The following COL24A1 variants were observed in gnomAD, a reference collection of about 807,000 sequenced individuals.
COL24A1 encodes the protein collagen type XXIV alpha 1 chain, also known as collagen alpha-1(XXIV) chain.
In COL24A1, 224 loss-of-function variants were observed where a neutral mutation model predicts 253.9. The ratio of observed to expected loss-of-function variants is 0.88; its 90% confidence interval spans 0.79 to 0.99. The LOEUF is 0.99. Among genes scored for constraint, COL24A1 ranks in the 50% least tolerant of loss-of-function variants. The pLI, the probability that COL24A1 is intolerant of heterozygous loss-of-function variation, is 0.00. For synonymous variants in COL24A1, 685 were observed against 673.7 expected, an observed-to-expected ratio of 1.02 and a Z score of -0.26; for missense variants, 2,131 against 2,068.5, an observed-to-expected ratio of 1.03 and a Z score of -0.59.
intron 20 of COL24A1, among the ~76,000 whole-genome samples, chr1:85,986,170 C>T (rs969997207): frequency 6.6e-6 from 1 of 151,618 alleles, no homozygotes; most frequent in Non-Finnish European, 1.5e-5. Flanking sequence ...ATATCTTTCT[C>T]TAGATTTTAA....
At chr1:85,800,007 C>T (rs76408018) in intron 47 of COL24A1, among the ~76,000 whole-genome samples, 2,223 of 152,202 alleles carry the variant, frequency 0.015, 31 homozygotes, top group Non-Finnish European at 0.024. Context: ...CTGTACCAGT[C>T]GTACATAAAG....
intron 53 of COL24A1, among the ~76,000 whole-genome samples, chr1:85,767,782 A>G (rs1667533557): frequency 6.6e-6 from 1 of 152,214 alleles, no homozygotes; most frequent in Admixed American, 6.5e-5. Flanking sequence ...AACTCTAAAA[A>G]GCATGTTAAT....
chr1:85,735,730 T>C (rs1663978104), intron 58 of COL24A1, among the ~76,000 whole-genome samples: 2 of 152,064 alleles, frequency 1.3e-5, no homozygotes, highest in South Asian at 4.1e-4. Flanking sequence ...GGAAGGCAGA[T>C]TTTCCTATAG....
At chr1:85,762,229 C>T (rs1666913918) in intron 53 of COL24A1, among the ~76,000 whole-genome samples, 2 of 152,152 alleles carry the variant, frequency 1.3e-5, no homozygotes, top group African/African-American at 4.8e-5. Context: ...ATTGAGTCAA[C>T]TCCAATTACG....
At chr1:85,891,525 T>C (rs1279264044) in intron 31 of COL24A1, among the ~76,000 whole-genome samples, 1 of 152,228 alleles carries the variant, frequency 6.6e-6, no homozygotes, top group Non-Finnish European at 1.5e-5. Context: ...TTCTAAGTTA[T>C]AATCTTTAAT....
intron 55 of COL24A1, among the ~76,000 whole-genome samples, chr1:85,746,738 G>A (rs1665263442): frequency 6.6e-6 from 1 of 152,202 alleles, no homozygotes; most frequent in Admixed American, 6.5e-5. Context: ...GGCAGAAGCA[G>A]CAACCTGGCA....
chr1:86,133,271 T>C (rs1040696083), intron 2 of COL24A1, among the ~76,000 whole-genome samples: 3 of 152,114 alleles, frequency 2.0e-5, no homozygotes, highest in Non-Finnish European at 2.9e-5. Flanking sequence ...TGGGGTTTTC[T>C]AGATATACAA....
chr1:86,042,047 G>T (rs1023584901), intron 12 of COL24A1, among the ~76,000 whole-genome samples: 1 of 152,126 alleles, frequency 6.6e-6, no homozygotes, highest in Non-Finnish European at 1.5e-5. Flanking sequence ...TGTAGGGAGT[G>T]CAGGAGGGAA....
At chr1:85,971,423 GA>G (rs1692159398) in intron 20 of COL24A1, 30 bp from the exon 21 acceptor site, 1 of 1,536,190 alleles carries the variant, frequency 6.5e-7, no homozygotes, top group Non-Finnish European at 8.9e-7. Flanking sequence ...GCACACAATA[GA>G]AATTTTAGAT....
intron 7 of COL24A1, among the ~76,000 whole-genome samples, chr1:86,065,543 C>T (rs1701403934): frequency 6.6e-6 from 1 of 152,068 alleles, no homozygotes; most frequent in African/African-American, 2.4e-5. Context: ...CCTTCCCCAC[C>T]TCAGCCCCAG....
intron 43 of COL24A1, among the ~76,000 whole-genome samples, chr1:85,836,672 A>G (rs1465550908): frequency 6.6e-6 from 1 of 152,244 alleles, no homozygotes; most frequent in Non-Finnish European, 1.5e-5. Context: ...AAGATGGCTA[A>G]CTGTTTAGCA....
chr1:86,131,604 A>G (rs569879604), intron 2 of COL24A1, among the ~76,000 whole-genome samples: 45 of 149,144 alleles, frequency 3.0e-4, no homozygotes, highest in Non-Finnish European at 5.3e-4. Flanking sequence ...GAGTGAGAAC[A>G]TGCAGTGTTT....
At chr1:86,057,902 T>C (rs763871239) in intron 10 of COL24A1, 29 bp downstream of exon 10, 5 of 1,605,400 alleles carry the variant, frequency 3.1e-6, no homozygotes, top group Non-Finnish European at 4.3e-6. Context: ...GCAAGCATGC[T>C]TAACAGAATG....
chr1:86,051,402 G>A (rs1700288691), intron 10 of COL24A1, among the ~76,000 whole-genome samples: 1 of 152,056 alleles, frequency 6.6e-6, no homozygotes, highest in South Asian at 2.1e-4. Context: ...TTTGCCTAGA[G>A]AGAAGATTAA....
intron 5 of COL24A1, among the ~76,000 whole-genome samples, chr1:86,109,891 A>G (rs1048797754): frequency 6.6e-5 from 10 of 152,230 alleles, no homozygotes. Flanking sequence ...CTTATAAAAG[A>G]GACCCCAGAG....
intron 14 of COL24A1, among the ~76,000 whole-genome samples, chr1:86,028,721 T>C (rs150031145): frequency 6.6e-6 from 1 of 152,236 alleles, no homozygotes; most frequent in East Asian, 1.9e-4. Context: ...AACTGAAAGG[T>C]GAATGGAGAA....
chr1:85,834,675 T>C (rs1054880427), intron 43 of COL24A1, among the ~76,000 whole-genome samples: 4 of 152,206 alleles, frequency 2.6e-5, no homozygotes, highest in African/African-American at 9.6e-5. Flanking sequence ...TGGGACTTCA[T>C]CTCTCCTAAG....
At chr1:85,945,325 A>G (rs954471567) in intron 24 of COL24A1, among the ~76,000 whole-genome samples, 2 of 151,498 alleles carry the variant, frequency 1.3e-5, no homozygotes, top group African/African-American at 4.8e-5. Flanking sequence ...GGCCGAGAAG[A>G]GATTCTTAAA....
chr1:86,050,234 G>C, intron 10 of COL24A1, 57 bp from the exon 11 acceptor site: 4 of 1,449,000 alleles, frequency 2.8e-6, no homozygotes, highest in Non-Finnish European at 3.9e-6. Flanking sequence ...CCCCATAAGT[G>C]ATTCTGAATA....
Sources: gnomAD v4.1 joint callset for allele counts (sites outside exome capture counted in the v4.1 genomes callset) on GRCh38, gnomAD v4.1.1 for gene constraint, MANE v1.5 for transcripts, NCBI Gene and HGNC (gene_info 2026-07-23, HGNC 2026-07-21) for gene names.